Variants in EXT1 observed in about 807,000 individuals in gnomAD.
EXT1 encodes exostosin glycosyltransferase 1.
In EXT1, 20 loss-of-function variants were observed where a neutral mutation model predicts 82.5. That is an observed-to-expected ratio of 0.24 (90% CI 0.17 to 0.35). The LOEUF is 0.35. EXT1 is among the 10% of genes least tolerant of loss of function. The pLI is 1.00. For missense variants in EXT1, 757 were observed against 936.5 expected (o/e 0.81, Z 2.50); for synonymous variants, 348 against 350.8 (o/e 0.99, Z 0.09).
intron 1 of EXT1, among the ~76,000 whole-genome samples, chr8:118,025,481 T>C (rs1816186746): frequency 6.6e-6 from 1 of 152,206 alleles, no homozygotes. Context: ...CGGATATACC[T>C]TGAAAGACAG....
At position 117,795,531 on chromosome 8, in the gene EXT1, T is replaced by A. The variant is rs1173743345; in HGVS notation, c.*4181A>T. ...AAAAAGGGGGGCCAGGCGCAGTGGCTTACACCTGTAATCTCAGCACTTTGG... is the reference window on the plus strand; with the variant it reads ...AAAAAGGGGGGCCAGGCGCAGTGGCATACACCTGTAATCTCAGCACTTTGG... On this transcript the variant is annotated 3_prime_UTR_variant, in exon 11 of 11. Transcript: ENST00000378204. The A allele has an allele frequency of 1.3e-5, 2 of 151,108 alleles. No individual in the cohort carries two copies. The highest frequency in any genetic ancestry group is 4.9e-5 in the African/African-American group (2 of 41,024). 9.4% of individuals were successfully genotyped at this position (151,108 alleles called of 1,614,324 possible).
At chr8:117,880,270 A>T (rs1801423398) in intron 1 of EXT1, among the ~76,000 whole-genome samples, 2 of 152,376 alleles carry the variant, frequency 1.3e-5, no homozygotes, top group South Asian at 4.1e-4. Flanking sequence ...ACAAATGGTC[A>T]ATTCACCAAA....
intron 1 of EXT1, among the ~76,000 whole-genome samples, chr8:117,999,689 G>A (rs1482205366): frequency 3.3e-5 from 5 of 152,174 alleles, no homozygotes; most frequent in Admixed American, 2.6e-4. Flanking sequence ...GGGAGGCAGT[G>A]TTAGTTTTTA....
intron 1 of EXT1, among the ~76,000 whole-genome samples, chr8:117,902,547 T>C (rs1813469142): frequency 6.6e-6 from 1 of 151,554 alleles, no homozygotes; most frequent in Non-Finnish European, 1.5e-5. Flanking sequence ...CCCAGCATCT[T>C]CTATGACGTC....
chr8:118,041,949 G>GA lies in EXT1; in HGVS notation c.962+68135dup, dbSNP rs1195365553. ...GGTGACAGAGCGAGACTCTGCCTCAGAAAAAAAAAAAAAAAGAAAGAAAAG... is the reference window on the plus strand; with the variant it reads ...GGTGACAGAGCGAGACTCTGCCTCAGAAAAAAAAAAAAAAAAGAAAGAAAAG... On this transcript the variant is annotated intron_variant, in intron 1 of 10. Coordinates refer to ENST00000378204, the MANE Select transcript of EXT1 (RefSeq NM_000127.3). Among the ~76,000 whole-genome samples the GA allele has an allele frequency of 3.3e-3, 153 of 46,012 alleles. 1 individual carries two copies. The highest frequency in any genetic ancestry group is 0.01 in the South Asian group (11 of 1,098). 30.2% of individuals were successfully genotyped at this position (46,012 alleles called of 152,430 possible). A position where few individuals can be genotyped will look rare whatever the true frequency, so the allele number is the denominator to read the frequency against.
chr8:117,830,237 G>A lies in EXT1; in HGVS notation c.1277C>T (p.Thr426Ile). The A allele has an allele frequency of 1.2e-6, 2 of 1,613,984 alleles. No individual in the cohort carries two copies. Among genetic ancestry groups the A allele is most frequent in the South Asian group, 1.1e-5 (1 of 91,074 alleles). Residue 426 changes from threonine (T) to isoleucine (I), a missense_variant, in exon 4 of 11, where the codon ACA becomes ATA. Physicochemically the swap from Thr to Ile is moderately conservative, Grantham distance 89. Around this residue, in one of 4 missense-constraint regions of EXT1, gnomAD observed 207 missense variants for 224.2 expected, o/e 0.92. Coordinates refer to ENST00000378204, the MANE Select transcript of EXT1 (RefSeq NM_000127.3). ...CCAAGTGGTCTCACTTACCTCTAGTGTAGTTAATACAATCTTCTCAACTGA... is the reference window on the plus strand; with the variant it reads ...CCAAGTGGTCTCACTTACCTCTAGTATAGTTAATACAATCTTCTCAACTGA... Reference protein sequence around the residue: ...FSSVEKIVLTTLEIIQDRIFK... With the variant: ...FSSVEKIVLTILEIIQDRIFK...
chr8:118,011,274 C>T lies in EXT1; in HGVS notation c.962+98811G>A, dbSNP rs113215776. On this transcript the variant is annotated intron_variant, in intron 1 of 10. Coordinates refer to ENST00000378204, the MANE Select transcript of EXT1 (RefSeq NM_000127.3). ...ACTTCCCGGTCCAGAATGGAAGCTACAAAGAGGCAGGACTCGTGTCTGTCT... is the reference window on the plus strand; with the variant it reads ...ACTTCCCGGTCCAGAATGGAAGCTATAAAGAGGCAGGACTCGTGTCTGTCT... 1.2e-3 allele frequency among the ~76,000 whole-genome samples: 188 copies of T among 152,304 alleles called. 1 individual carries two copies. The highest frequency in any genetic ancestry group is 4.5e-3 in the African/African-American group (187 of 41,576).
At chr8:117,813,792 G>A (rs1764821788) in intron 7 of EXT1, among the ~76,000 whole-genome samples, 1 of 152,042 alleles carries the variant, frequency 6.6e-6, no homozygotes, top group Non-Finnish European at 1.5e-5. Flanking sequence ...GATCACTTGA[G>A]GCCAGGAGTT....
At chr8:118,010,729 C>T (rs768043239) in intron 1 of EXT1, among the ~76,000 whole-genome samples, 6 of 152,294 alleles carry the variant, frequency 3.9e-5, no homozygotes, top group South Asian at 2.1e-4. Context: ...ACGGCACGGC[C>T]GCAAGAGTGT....
rs372211892 is a variant in EXT1 at position 118,015,518 on chromosome 8, G to A, written c.962+94567C>T. Among the ~76,000 whole-genome samples the A allele has an allele frequency of 1.5e-3, 222 of 152,156 alleles. 2 individuals are homozygous for A. The highest frequency in any genetic ancestry group is 7.6e-4 in the Non-Finnish European group (52 of 68,020). On this transcript the variant is annotated intron_variant, in intron 1 of 10. Transcript: ENST00000378204. Reference sequence around the variant, plus strand: ...CCTGACATCAAATTGCTCAGAGTCCGGCAGAGAAGAAAAACAAAAAAACAA... The same window carrying A: ...CCTGACATCAAATTGCTCAGAGTCCAGCAGAGAAGAAAAACAAAAAAACAA...
At chr8:117,812,515 G>T (rs1383930934) in intron 8 of EXT1, among the ~76,000 whole-genome samples, 1 of 152,150 alleles carries the variant, frequency 6.6e-6, no homozygotes, top group East Asian at 1.9e-4. Flanking sequence ...GGAAAGCATG[G>T]TTTCAACCTA....
At position 117,873,871 on chromosome 8, in the gene EXT1, T is replaced by C. The variant is rs2129901130; in HGVS notation, c.963-36670A>G. Reference sequence around the variant, plus strand: ...TTATCAACACTCAAAATAGATTTATTTGGTATTTCTAGTTTGTTTGTTTAA... The same window carrying C: ...TTATCAACACTCAAAATAGATTTATCTGGTATTTCTAGTTTGTTTGTTTAA... On this transcript the variant is annotated intron_variant, in intron 1 of 10. Transcript: ENST00000378204. Among the ~76,000 whole-genome samples the C allele has an allele frequency of 1.3e-5, 2 of 152,382 alleles. 1 individual carries two copies. Among genetic ancestry groups the C allele is most frequent in the South Asian group, 4.1e-4 (2 of 4,826 alleles).
chr8:118,091,632 C>A (rs1449920358), intron 1 of EXT1, among the ~76,000 whole-genome samples: 1 of 152,052 alleles, frequency 6.6e-6, no homozygotes, highest in African/African-American at 2.4e-5. Flanking sequence ...GTAGTCCCAG[C>A]TACTCGGGAG....
chr8:117,990,410 G>A (rs1371392780), intron 1 of EXT1, among the ~76,000 whole-genome samples: 1 of 152,184 alleles, frequency 6.6e-6, no homozygotes, highest in Non-Finnish European at 1.5e-5. Context: ...AAAAAAGTTG[G>A]AGAAGAAGGA....
intron 1 of EXT1, among the ~76,000 whole-genome samples, chr8:117,911,645 A>G (rs868461791): frequency 6.6e-6 from 1 of 152,156 alleles, no homozygotes; most frequent in Non-Finnish European, 1.5e-5. Context: ...TTTCTCAAAC[A>G]CTTATTCTGC....
intron 3 of EXT1, among the ~76,000 whole-genome samples, chr8:117,834,995 G>A (rs1339452095): frequency 6.6e-6 from 1 of 152,130 alleles, no homozygotes; most frequent in Non-Finnish European, 1.5e-5. Context: ...CACTCGCTCA[G>A]ACACCCAGAC....
chr8:117,951,498 C>T (rs552232422), intron 1 of EXT1, among the ~76,000 whole-genome samples: 1 of 152,234 alleles, frequency 6.6e-6, no homozygotes, highest in African/African-American at 2.4e-5. Flanking sequence ...ACAAACTAGA[C>T]CCTGGGAACA....
intron 1 of EXT1, among the ~76,000 whole-genome samples, chr8:117,934,431 G>A (rs1428836089): frequency 2.6e-5 from 4 of 152,172 alleles, no homozygotes; most frequent in East Asian, 3.9e-4. Context: ...CCTGCATGTT[G>A]CAAGAGGCCC....
At chr8:117,847,198 T>A (rs939123814) in intron 1 of EXT1, among the ~76,000 whole-genome samples, 2 of 152,168 alleles carry the variant, frequency 1.3e-5, no homozygotes, top group African/African-American at 4.8e-5. Context: ...AGCAAGAAGA[T>A]AACAAAGATA....
Sources: gnomAD v4.1 joint callset for allele counts (sites outside exome capture counted in the v4.1 genomes callset) on GRCh38, gnomAD v4.1.1 for gene constraint, gnomAD v4.1.1 regional missense constraint, MANE v1.5 for transcripts, NCBI Gene and HGNC (gene_info 2026-07-23, HGNC 2026-07-21) for gene names.